DMD: variants seen among roughly 807,000 people sequenced by gnomAD.
The protein encoded by DMD is mutant dystrophin.
In DMD, 63 loss-of-function variants were observed where a neutral mutation model predicts 330.1. The ratio of observed to expected loss-of-function variants is 0.19; its 90% CI spans 0.16 to 0.24. DMD has a LOEUF of 0.24. Among genes scored for constraint, DMD ranks in the 10% least tolerant of loss-of-function variants. DMD has a pLI of 1.00. For missense variants in DMD, 3,344 were observed against 2,684.1 expected, an observed-to-expected ratio of 1.25 and a Z score of -5.43; for synonymous variants, 1,223 against 959.8, an observed-to-expected ratio of 1.27 and a Z score of -5.07.
At chrX:32,793,657 T>G (rs779796806) in intron 7 of DMD, among the ~76,000 whole-genome samples, 1 of 111,430 alleles carries the variant, frequency 9.0e-6, no homozygotes, top group South Asian at 3.7e-4. Context: ...ACTAAAAATC[T>G]AGAGGAATGT....
rs112090679 is a variant in DMD, at chrX:31,313,813, CTT to C, written c.9224+9783_9224+9784del. Among the ~76,000 whole-genome samples, 117 of 97,478 alleles carry C rather than the reference CTT, an allele frequency of 1.2e-3. 1 individual carries two copies. The highest frequency in any genetic ancestry group is 2.6e-3 in the Admixed American group (23 of 8,832). The allele number at this position is 97,478 out of a possible 115,157, so 84.6% of individuals were successfully genotyped here. On this transcript the variant is annotated intron_variant, in intron 62 of 78. Transcript: ENST00000357033. ...TTTTTTGAATCTCAGCTGTTTCTTC[CTT>C]TTTTTTTTTTTTAACTTTTATTTAT...
intron 52 of DMD, among the ~76,000 whole-genome samples, chrX:31,722,607 T>TAA (rs2085654926): frequency 9.0e-6 from 1 of 111,523 alleles, no homozygotes; most frequent in Non-Finnish European, 1.9e-5. Flanking sequence ...AAACCTGGTC[T>TAA]ACCTAAACAC....
chrX:32,783,750 T>A (rs1358225189), intron 7 of DMD, among the ~76,000 whole-genome samples: 1 of 110,998 alleles, frequency 9.0e-6, no homozygotes. Flanking sequence ...ATGACATCAT[T>A]TATATAAGGA....
At chrX:32,438,570 C>G (rs2098270015) in intron 28 of DMD, among the ~76,000 whole-genome samples, 180 bp from the exon 29 acceptor site, 2 of 111,699 alleles carry the variant, frequency 1.8e-5, no homozygotes, top group Non-Finnish European at 3.8e-5. Flanking sequence ...GGATGTCATT[C>G]TATATGAATC....
intron 63 of DMD, among the ~76,000 whole-genome samples, chrX:31,233,500 ATGT>A (rs2047418912): frequency 1.8e-5 from 2 of 110,562 alleles, no homozygotes; most frequent in South Asian, 7.7e-4. Flanking sequence ...TTTTTTTTTA[ATGT>A]TGTGCCTTAG....
chrX:32,653,633 C>A (rs913890967), intron 9 of DMD, among the ~76,000 whole-genome samples: 1 of 111,834 alleles, frequency 8.9e-6, no homozygotes, highest in Non-Finnish European at 1.9e-5. Context: ...ATTGACCTGG[C>A]AATGTGGGCT....
intron 44 of DMD, among the ~76,000 whole-genome samples, chrX:32,113,112 A>T (rs913098909): frequency 8.9e-6 from 1 of 112,793 alleles, no homozygotes; most frequent in Non-Finnish European, 1.9e-5. Flanking sequence ...AATAAATGTA[A>T]CTATTTAATT....
Position 33,035,155 on chromosome X carries a change from G to C in DMD, c.32-14955C>G, listed in dbSNP as rs997729220. ...ATGATCTCTGTTTTACTTTTTTCTG[G>C]AACAGTGGCATTAACAGCAATAGAC... On this transcript the variant is annotated intron_variant, in intron 1 of 78. Transcript: ENST00000357033. 3.6e-5 allele frequency among the ~76,000 whole-genome samples: 4 copies of C among 111,591 alleles called. No homozygotes were observed. The Admixed American group carries it at 3.8e-4, about 11-fold the overall frequency.
intron 16 of DMD, among the ~76,000 whole-genome samples, chrX:32,559,940 T>C (rs190068870): frequency 5.8e-4 from 64 of 111,239 alleles, no homozygotes; most frequent in African/African-American, 1.7e-3. Flanking sequence ...CACAAACATA[T>C]ACAGCATAAA....
At chrX:31,178,190 A>T (rs1048879689) in intron 70 of DMD, 4 of 752,384 alleles carry the variant, frequency 5.3e-6, no homozygotes, top group Non-Finnish European at 6.3e-6. Context: ...AAAGAGGTGA[A>T]GACGTCCCCT....
intron 13 of DMD, among the ~76,000 whole-genome samples, chrX:32,589,110 G>T (rs1318390888): frequency 4.5e-5 from 5 of 111,512 alleles, no homozygotes; most frequent in Non-Finnish European, 9.4e-5. Context: ...CATAGAGAAA[G>T]TGCCTTCCTT....
chrX:32,993,247 A>C lies in DMD; in HGVS notation c.93+26892T>G, dbSNP rs751727575. Reference sequence around the variant, plus strand: ...CATTTAGACAAATGCTCTTCAAGCTATAGGTCAAGACATTTGTGAGCTGTA... The same window carrying C: ...CATTTAGACAAATGCTCTTCAAGCTCTAGGTCAAGACATTTGTGAGCTGTA... On this transcript the variant is annotated intron_variant, in intron 2 of 78. Transcript: ENST00000357033. Among the ~76,000 whole-genome samples the C allele has an allele frequency of 7.1e-5, 8 of 112,279 alleles. No individual in the cohort carries two copies. In the East Asian group the frequency reaches 2.2e-3, roughly 31 times the overall value.
chrX:32,976,176 G>A (rs2092543902), intron 2 of DMD, among the ~76,000 whole-genome samples: 1 of 108,125 alleles, frequency 9.2e-6, no homozygotes, highest in African/African-American at 3.4e-5. Flanking sequence ...AATTGAGATC[G>A]CGCCTCTGCA....
At chrX:32,982,571 C>A (rs1211090019) in intron 2 of DMD, among the ~76,000 whole-genome samples, 1 of 111,589 alleles carries the variant, frequency 9.0e-6, no homozygotes, top group South Asian at 3.8e-4. Context: ...GCAACAAATG[C>A]TGGTAATAAT....
chrX:33,161,186 T>G (rs1044416203), intron 1 of DMD, among the ~76,000 whole-genome samples: 1 of 111,805 alleles, frequency 8.9e-6, no homozygotes, highest in African/African-American at 3.3e-5. Flanking sequence ...ACACAAGACT[T>G]TTGTCTTTAT....
At chrX:32,367,121 AT>A (rs1003670601) in intron 34 of DMD, among the ~76,000 whole-genome samples, 1 of 112,054 alleles carries the variant, frequency 8.9e-6, no homozygotes, top group African/African-American at 3.2e-5. Flanking sequence ...GAAGTCTCTC[AT>A]TTGGGTAGAT....
At chrX:32,738,098 G>A (rs1405434152) in intron 7 of DMD, among the ~76,000 whole-genome samples, 4 of 111,269 alleles carry the variant, frequency 3.6e-5, no homozygotes, top group African/African-American at 1.3e-4. Flanking sequence ...GTGAAATATG[G>A]GCAAAACTGA....
At position 31,716,850 on chromosome X, in the gene DMD, CACACACAT is replaced by C. The variant is rs1397356017; in HGVS notation, c.7660+12773_7660+12780del. Among the ~76,000 whole-genome samples, 743 of 98,071 alleles carry C rather than the reference CACACACAT, an allele frequency of 7.6e-3. 5 individuals are homozygous for C. The highest frequency in any genetic ancestry group is 0.025 in the African/African-American group (679 of 26,996). 85.2% of individuals were successfully genotyped at this position (98,071 alleles called of 115,157 possible). A position where few individuals can be genotyped will look rare whatever the true frequency, so the allele number is the denominator to read the frequency against. On this transcript the variant is annotated intron_variant, in intron 52 of 78. Transcript: ENST00000357033. ...ATACACACACACACACACACACACA[CACACACAT>C]ATATATATATATATACACATATATT... is the stretch of plus-strand genomic sequence containing the variant.
intron 17 of DMD, among the ~76,000 whole-genome samples, chrX:32,532,486 G>A (rs891285001): frequency 1.8e-5 from 2 of 112,471 alleles, no homozygotes; most frequent in Non-Finnish European, 3.8e-5. Flanking sequence ...TCCTAGCTGC[G>A]ATGCTTCCTG....
Sources: allele counts gnomAD v4.1 joint callset (sites outside exome capture counted in the v4.1 genomes callset), GRCh38; gene constraint gnomAD v4.1.1; transcripts MANE v1.5; gene names NCBI Gene and HGNC (gene_info 2026-07-23, HGNC 2026-07-21).